Variants in CD200 observed in about 807,000 individuals in gnomAD.
CD200 encodes OX-2 membrane glycoprotein.
A neutral mutation model predicts 30.9 loss-of-function variants in CD200; 15 were observed. That is an observed-to-expected ratio of 0.49 (90% CI 0.32 to 0.75). CD200 has a LOEUF of 0.75. Among genes scored for constraint, CD200 ranks in the 30% least tolerant of loss-of-function variants. CD200 has a pLI of 0.03. For missense variants in CD200, 262 were observed against 324.2 expected (o/e 0.81, Z 1.47); for synonymous variants, 134 against 126.2 (o/e 1.06, Z -0.41).
chr3:112,334,032 C>A, intron 1 of CD200: 1 of 985,292 alleles, frequency 1.0e-6, no homozygotes, highest in Non-Finnish European at 1.2e-6. Context: ...GTTGGCAAGA[C>A]CACATAGCCA....
chr3:112,347,838 A>AAAGTGAGC lies in CD200; in HGVS notation c.694+12_694+19dup. On this transcript the variant is annotated intron_variant, in intron 4 of 5. Coordinates refer to ENST00000315711, the MANE Select transcript of CD200 (RefSeq NM_005944.7). ...AGCAAACCGTCAACAAAGGTAAGAG[A>AAAGTGAGC]AAGTGAGCAAGGTGGCTGTGGTTGT... 1 of 1,610,808 alleles carries AAAGTGAGC rather than the reference A, an allele frequency of 6.2e-7. No homozygotes were observed. The highest frequency in any genetic ancestry group is 8.5e-7 in the Non-Finnish European group (1 of 1,178,708).
chr3:112,360,333 A>AAAAAAAATATATAT (rs879786648), intron 5 of CD200, among the ~76,000 whole-genome samples: 5 of 141,196 alleles, frequency 3.5e-5, no homozygotes, highest in African/African-American at 1.3e-4. Flanking sequence ...ATCTAAAAAA[A>AAAAAAAATATATAT]ATATATATAT....
At chr3:112,355,540 G>A (rs1199713692) in intron 5 of CD200, among the ~76,000 whole-genome samples, 2 of 152,112 alleles carry the variant, frequency 1.3e-5, no homozygotes, top group Non-Finnish European at 2.9e-5. Flanking sequence ...TTCAAAGTGG[G>A]AAAATTATAT....
intron 5 of CD200, 159 bp downstream of exon 5, chr3:112,349,978 C>G (rs1032867406): frequency 1.0e-6 from 1 of 984,964 alleles, no homozygotes; most frequent in Non-Finnish European, 1.2e-6. Context: ...TAAAATGCGT[C>G]GGGGCATTTT....
chr3:112,336,358 C>T (rs1404935842), intron 1 of CD200, among the ~76,000 whole-genome samples: 1 of 151,980 alleles, frequency 6.6e-6, no homozygotes, highest in Non-Finnish European at 1.5e-5. Flanking sequence ...CGACCCGCTG[C>T]TCCTGAGCCC....
chr3:112,360,945 G>T (rs1443914386), intron 5 of CD200, among the ~76,000 whole-genome samples: 2 of 152,156 alleles, frequency 1.3e-5, no homozygotes, highest in Admixed American at 6.5e-5. Flanking sequence ...TCCTTTACTT[G>T]TAGTCTTAGG....
upstream of CD200, chr3:112,333,109 G>A (rs886532251): frequency 2.7e-6 from 4 of 1,507,862 alleles, no homozygotes; most frequent in Non-Finnish European, 2.7e-6. Flanking sequence ...AGGAAGAGGC[G>A]GGAGGTGCGG....
intron 5 of CD200, among the ~76,000 whole-genome samples, chr3:112,355,924 T>G (rs2081615592): frequency 6.6e-6 from 1 of 152,174 alleles, no homozygotes; most frequent in African/African-American, 2.4e-5. Flanking sequence ...AATTTTAATC[T>G]CTAAAAATAA....
chr3:112,338,871 G>A (rs551124080), intron 1 of CD200, among the ~76,000 whole-genome samples: 1 of 152,226 alleles, frequency 6.6e-6, no homozygotes, highest in East Asian at 1.9e-4. Context: ...TGGTAATTAT[G>A]GTTATGAGCT....
At chr3:112,335,466 A>G (rs534927456) in intron 1 of CD200, among the ~76,000 whole-genome samples, 2 of 152,352 alleles carry the variant, frequency 1.3e-5, no homozygotes, top group East Asian at 3.9e-4. Flanking sequence ...GCACCTTCAG[A>G]TGATATAATC....
At chr3:112,341,497 T>G (rs1190870358) in intron 2 of CD200, among the ~76,000 whole-genome samples, 1 of 152,210 alleles carries the variant, frequency 6.6e-6, no homozygotes, top group African/African-American at 2.4e-5. Flanking sequence ...TCCTCCTCAG[T>G]TCCTTGGGAG....
intron 2 of CD200, among the ~76,000 whole-genome samples, chr3:112,343,691 A>G (rs1330896197): frequency 6.6e-6 from 1 of 152,174 alleles, no homozygotes; most frequent in Admixed American, 6.5e-5. Context: ...TTGTGAATTT[A>G]AATTTTTTCT....
In CD200 at chr3:112,345,298, T is replaced by C; in HGVS notation, c.421+10T>C. 2 of 1,597,234 alleles carry C rather than the reference T, an allele frequency of 1.3e-6. No homozygotes were observed. The highest frequency in any genetic ancestry group is 1.7e-6 in the Non-Finnish European group (2 of 1,165,474). On this transcript the variant is annotated intron_variant, in intron 3 of 5. Coordinates refer to ENST00000315711, the MANE Select transcript of CD200 (RefSeq NM_005944.7). The stretch of plus-strand genomic sequence containing the variant: ...TGCCTCACCGTCTATGGTGAGAATC[T>C]CTGAGAATCATTGTCTGTGTCTGGA...
intron 4 of CD200, among the ~76,000 whole-genome samples, chr3:112,348,575 CTG>C (rs1310129056): frequency 2.6e-5 from 4 of 152,180 alleles, no homozygotes; most frequent in African/African-American, 7.2e-5. Context: ...CGTCTTTTCT[CTG>C]TGTAGTTTTG....
rs1156256274 is a variant in CD200, at chr3:112,361,787, T to C, written c.*237T>C. The stretch of plus-strand genomic sequence containing the variant: ...TGTAGGACTTGATTTTGTAAAGCAA[T>C]GCCATGTTATGTGGTTGAAAGGGCA... On this transcript the variant is annotated 3_prime_UTR_variant, in exon 6 of 6. Transcript: ENST00000315711. The C allele has an allele frequency of 1.7e-6, 1 of 585,806 alleles. No individual in the cohort carries two copies. The highest frequency in any genetic ancestry group is 1.9e-5 in the African/African-American group (1 of 53,586). The allele number at this position is 585,806 out of a possible 1,614,324, so 36.3% of individuals were successfully genotyped here.
chr3:112,351,545 C>A (rs1329008708), intron 5 of CD200, among the ~76,000 whole-genome samples: 3 of 152,102 alleles, frequency 2.0e-5, no homozygotes, highest in Non-Finnish European at 4.4e-5. Context: ...AAAGAATCAG[C>A]TTATTTCTCT....
At position 112,333,544 on chromosome 3, in the gene CD200, G is replaced by T. The variant is rs899250182; in HGVS notation, c.12+320G>T. The T allele has an allele frequency of 4.8e-5, 47 of 985,392 alleles. No individual in the cohort carries two copies. The African/African-American group carries it at 8.0e-4, about 17-fold the overall frequency. The allele number at this position is 985,392 out of a possible 1,614,324, so 61.0% of individuals were successfully genotyped here. On this transcript the variant is annotated intron_variant, in intron 1 of 5. Transcript: ENST00000315711. ...CGCTGACGAAGCTGGCGCATCCTCC[G>T]GGCAGGCTCGGCTCGGCTCACTGGC... is the stretch of plus-strand genomic sequence containing the variant.
rs2108445065 is a variant in CD200 at position 112,344,818 on chromosome 3, T to C, written c.95-144T>C. ...ACCTATATATTTCTCTGGCATCACG[T>C]AGGAATGTAAATAAATGTTTTCTTT... On this transcript the variant is annotated intron_variant, in intron 2 of 5. Coordinates refer to ENST00000315711, the MANE Select transcript of CD200 (RefSeq NM_005944.7). The C allele has an allele frequency of 6.2e-6, 4 of 642,120 alleles. 1 individual carries two copies. Among genetic ancestry groups the C allele is most frequent in the East Asian group, 5.5e-5 (2 of 36,186 alleles). 39.8% of individuals were successfully genotyped at this position (642,120 alleles called of 1,614,324 possible).
intron 1 of CD200, chr3:112,333,503 G>A: frequency 1.0e-6 from 1 of 985,456 alleles, no homozygotes; most frequent in Non-Finnish European, 1.2e-6. Flanking sequence ...CCGGGGCTCC[G>A]GGGGCTCTTG....
Sources: allele counts gnomAD v4.1 joint callset (sites outside exome capture counted in the v4.1 genomes callset), GRCh38; gene constraint gnomAD v4.1.1; transcripts MANE v1.5; gene names NCBI Gene and HGNC (gene_info 2026-07-23, HGNC 2026-07-21).